ITPR2: variants seen among roughly 807,000 people sequenced by gnomAD.
ITPR2 encodes the protein inositol 1,4,5-trisphosphate-gated calcium channel ITPR2.
Under a neutral mutation model 317.1 loss-of-function variants are expected in ITPR2, and 207 were observed. The ratio of observed to expected loss-of-function variants is 0.65; its 90% CI spans 0.58 to 0.73. The LOEUF is 0.73. Ranked by LOEUF, ITPR2 falls within the 30% of genes least tolerant of loss-of-function variation. The pLI is 0.00. For synonymous variants in ITPR2, 1,156 were observed against 1,149.1 expected (o/e 1.01, Z -0.12); for missense variants, 2,613 against 3,284.0 (o/e 0.80, Z 4.99).
chr12:26,699,295 C>T (rs1948403243), intron 9 of ITPR2, among the ~76,000 whole-genome samples: 1 of 152,176 alleles, frequency 6.6e-6, no homozygotes, highest in Non-Finnish European at 1.5e-5. Context: ...CTTCTACAAT[C>T]AGTCTTTACG....
intron 52 of ITPR2, among the ~76,000 whole-genome samples, chr12:26,409,356 C>G (rs4963993): frequency 0.67 from 101,723 of 152,088 alleles, 34,651 homozygotes; most frequent in Non-Finnish European, 0.72. Flanking sequence ...AAAGATAGAG[C>G]AACATGGGCG....
chr12:26,647,308 A>G (rs933523733), intron 21 of ITPR2, among the ~76,000 whole-genome samples: 44 of 152,368 alleles, frequency 2.9e-4, no homozygotes, highest in African/African-American at 9.9e-4. Context: ...AATGATTCAG[A>G]GTTATACACA....
intron 32 of ITPR2, among the ~76,000 whole-genome samples, chr12:26,581,763 A>G (rs16931020): frequency 0.13 from 20,194 of 152,178 alleles, 1,690 homozygotes; most frequent in African/African-American, 0.23. Context: ...TTCTTTTAGT[A>G]TCTTCCTAAC....
intron 54 of ITPR2, among the ~76,000 whole-genome samples, chr12:26,387,796 A>G (rs183658790): frequency 6.6e-6 from 1 of 152,312 alleles, no homozygotes; most frequent in East Asian, 1.9e-4. Context: ...TTTCCCAACT[A>G]ACATTTATTT....
At chr12:26,596,539 C>T (rs1365953733) in intron 31 of ITPR2, among the ~76,000 whole-genome samples, 3 of 150,868 alleles carry the variant, frequency 2.0e-5, no homozygotes, top group South Asian at 2.1e-4. Flanking sequence ...CCCAGCCACT[C>T]GGGAGGCTGA....
intron 55 of ITPR2, among the ~76,000 whole-genome samples, chr12:26,357,369 G>T (rs1241546006): frequency 6.6e-6 from 1 of 152,202 alleles, no homozygotes; most frequent in Non-Finnish European, 1.5e-5. Context: ...TTTGTTGGTG[G>T]ACACACTAAT....
chr12:26,443,296 T>TA (rs1403597185), intron 46 of ITPR2, among the ~76,000 whole-genome samples: 1 of 151,980 alleles, frequency 6.6e-6, no homozygotes, highest in Non-Finnish European at 1.5e-5. Flanking sequence ...CTTCTACAGT[T>TA]AAAAAACATC....
intron 37 of ITPR2, among the ~76,000 whole-genome samples, chr12:26,546,215 G>A (rs543574262): frequency 1.3e-5 from 2 of 152,178 alleles, no homozygotes; most frequent in East Asian, 3.9e-4. Context: ...CAGTGTATTT[G>A]ATGTGTCCAT....
At chr12:26,544,048 G>C (rs557172475) in intron 37 of ITPR2, among the ~76,000 whole-genome samples, 7 of 151,970 alleles carry the variant, frequency 4.6e-5, no homozygotes, top group Non-Finnish European at 8.8e-5. Flanking sequence ...TAAAACTCAG[G>C]TAATTTTCCC....
At chr12:26,644,231 G>A (rs1179979004) in intron 21 of ITPR2, among the ~76,000 whole-genome samples, 1 of 152,108 alleles carries the variant, frequency 6.6e-6, no homozygotes, top group African/African-American at 2.4e-5. Context: ...TGGGCTCCTA[G>A]GCTGCCCCAG....
intron 34 of ITPR2, among the ~76,000 whole-genome samples, chr12:26,570,021 G>A (rs142942130): frequency 2.9e-4 from 44 of 152,278 alleles, no homozygotes; most frequent in African/African-American, 1.1e-3. Context: ...GGGATGTTAT[G>A]CAGCCAAAGA....
chr12:26,526,217 T>G (rs901470277), intron 37 of ITPR2, among the ~76,000 whole-genome samples: 2 of 151,874 alleles, frequency 1.3e-5, no homozygotes, highest in African/African-American at 4.8e-5. Flanking sequence ...ATGAAAAAAA[T>G]GAATAAATGT....
chr12:26,461,089 C>A (rs1351327884), intron 45 of ITPR2, among the ~76,000 whole-genome samples: 5 of 152,150 alleles, frequency 3.3e-5, no homozygotes, highest in Non-Finnish European at 2.9e-5. Context: ...AATCACAGAA[C>A]CACAGCAATC....
chr12:26,691,146 T>G (rs1948232497), intron 10 of ITPR2, among the ~76,000 whole-genome samples: 1 of 152,198 alleles, frequency 6.6e-6, no homozygotes, highest in Non-Finnish European at 1.5e-5. Context: ...CCTTGGAATG[T>G]GCCCCTCAAG....
intron 9 of ITPR2, among the ~76,000 whole-genome samples, chr12:26,699,685 C>A (rs761535599): frequency 2.3e-4 from 35 of 151,964 alleles, no homozygotes; most frequent in Non-Finnish European, 4.6e-4. Flanking sequence ...GAAAGAAGGA[C>A]AAAAAGCCAC....
intron 37 of ITPR2, among the ~76,000 whole-genome samples, chr12:26,514,189 G>A (rs915064643): frequency 1.3e-5 from 2 of 152,004 alleles, no homozygotes; most frequent in Admixed American, 6.5e-5. Flanking sequence ...AACTAACTAC[G>A]ATGTTTTTTT....
At chr12:26,508,700 T>C (rs1212492993) in intron 37 of ITPR2, among the ~76,000 whole-genome samples, 1 of 152,162 alleles carries the variant, frequency 6.6e-6, no homozygotes, top group African/African-American at 2.4e-5. Flanking sequence ...CCCACTAGAA[T>C]GGCTAAAATA....
At chr12:26,585,120 A>G (rs990629961) in intron 32 of ITPR2, among the ~76,000 whole-genome samples, 1 of 152,202 alleles carries the variant, frequency 6.6e-6, no homozygotes, top group African/African-American at 2.4e-5. Flanking sequence ...ATAAAATGGA[A>G]AAATGAAAAT....
At chr12:26,713,945 T>C (rs1948694336) in intron 8 of ITPR2, among the ~76,000 whole-genome samples, 7 of 152,232 alleles carry the variant, frequency 4.6e-5, no homozygotes, top group Admixed American at 3.9e-4. Context: ...TTATTAGCTT[T>C]AGTCATAGCT....
Sources: allele counts gnomAD v4.1 joint callset (sites outside exome capture counted in the v4.1 genomes callset), GRCh38; gene constraint gnomAD v4.1.1; transcripts MANE v1.5; gene names NCBI Gene and HGNC (gene_info 2026-07-23, HGNC 2026-07-21).